Variants in CNTNAP5 observed in about 807,000 individuals in gnomAD.
CNTNAP5 encodes contactin associated protein family member 5, also known as contactin-associated protein-like 5.
In CNTNAP5, 72 loss-of-function variants were observed where a neutral mutation model predicts 150.2. The ratio of observed to expected loss-of-function variants is 0.48; its 90% CI spans 0.40 to 0.58. The LOEUF is 0.58. CNTNAP5 is among the 20% of genes least tolerant of loss of function. CNTNAP5 has a pLI of 0.00. For missense variants in CNTNAP5, 1,636 were observed against 1,626.2 expected (o/e 1.01, Z -0.10); for synonymous variants, 672 against 619.8 (o/e 1.08, Z -1.25).
chr2:124,736,067 C>T (rs748599633), intron 13 of CNTNAP5, among the ~76,000 whole-genome samples: 2 of 151,936 alleles, frequency 1.3e-5, no homozygotes, highest in African/African-American at 4.8e-5. Context: ...TCTGTCTCTA[C>T]AAAAATACAA....
intron 13 of CNTNAP5, among the ~76,000 whole-genome samples, chr2:124,703,757 G>C (rs1679575110): frequency 6.6e-6 from 1 of 152,098 alleles, no homozygotes; most frequent in Admixed American, 6.5e-5. Context: ...TGCAGCTGCT[G>C]AGCCCCAAAG....
intron 6 of CNTNAP5, among the ~76,000 whole-genome samples, chr2:124,449,453 C>G (rs1179964459): frequency 1.3e-5 from 2 of 152,034 alleles, no homozygotes; most frequent in Non-Finnish European, 2.9e-5. Flanking sequence ...CTTTAATGTC[C>G]CAGAAGATGG....
intron 12 of CNTNAP5, among the ~76,000 whole-genome samples, chr2:124,630,300 T>C (rs573301141): frequency 2.0e-5 from 3 of 152,226 alleles, no homozygotes; most frequent in Admixed American, 6.5e-5. Context: ...ATATCCCTGA[T>C]GAACATTGAT....
In CNTNAP5 at chr2:124,259,189, A is replaced by G. The variant is rs141130402; in HGVS notation, c.381+16796A>G. Among the ~76,000 whole-genome samples, 876 of 152,156 alleles carry G rather than the reference A, an allele frequency of 5.8e-3. 6 individuals are homozygous for G. The highest frequency in any genetic ancestry group is 0.02 in the African/African-American group (824 of 41,488). On this transcript the variant is annotated intron_variant, in intron 3 of 23. Transcript: ENST00000682447. ...ATGTCCCTACAAAGGACATGAACTC[A>G]TCCTTTTTTACCGCTGCATAGTATT...
At chr2:124,270,494 T>C (rs1345187646) in intron 3 of CNTNAP5, among the ~76,000 whole-genome samples, 2 of 151,600 alleles carry the variant, frequency 1.3e-5, no homozygotes, top group African/African-American at 2.4e-5. Context: ...TGGCAGGAGG[T>C]GAGTGTGTAG....
chr2:124,711,416 C>G (rs1214010013), intron 13 of CNTNAP5, among the ~76,000 whole-genome samples: 1 of 152,168 alleles, frequency 6.6e-6, no homozygotes, highest in Admixed American at 6.5e-5. Context: ...TATGCTACTT[C>G]CATAATAGAC....
intron 2 of CNTNAP5, among the ~76,000 whole-genome samples, chr2:124,238,776 G>GT (rs1686812464): frequency 1.3e-5 from 2 of 152,278 alleles, no homozygotes; most frequent in South Asian, 4.1e-4. Context: ...CAAGAAGCTA[G>GT]TGTAGGTGCA....
chr2:124,681,064 C>T (rs76064513), intron 13 of CNTNAP5: 21,971 of 151,276 alleles, frequency 0.15, 3,158 homozygotes, highest in East Asian at 0.74. Context: ...GTGTGTGGAT[C>T]ACCTGAGGTC....
intron 7 of CNTNAP5, among the ~76,000 whole-genome samples, chr2:124,484,733 G>A (rs935488892): frequency 2.0e-5 from 3 of 152,162 alleles, no homozygotes; most frequent in Non-Finnish European, 4.4e-5. Context: ...TTATAGATCA[G>A]TGATTATTAG....
intron 14 of CNTNAP5, among the ~76,000 whole-genome samples, chr2:124,756,300 C>T (rs113789156): frequency 1.5e-3 from 236 of 152,276 alleles, no homozygotes; most frequent in African/African-American, 5.2e-3. Context: ...AATAGGAACA[C>T]GTTTACACTG....
chr2:124,388,683 C>CT (rs1376282145), intron 3 of CNTNAP5, among the ~76,000 whole-genome samples: 4 of 151,868 alleles, frequency 2.6e-5, no homozygotes, highest in African/African-American at 4.8e-5. Context: ...AGCACGGGGC[C>CT]TTTTTTTTCT....
At chr2:124,859,605 A>C (rs1221738877) in intron 19 of CNTNAP5, among the ~76,000 whole-genome samples, 3 of 152,158 alleles carry the variant, frequency 2.0e-5, no homozygotes, top group Admixed American at 6.6e-5. Flanking sequence ...AAGACACATG[A>C]ACACGTATGT....
At chr2:124,254,960 T>C (rs1282323037) in intron 3 of CNTNAP5, among the ~76,000 whole-genome samples, 1 of 152,164 alleles carries the variant, frequency 6.6e-6, no homozygotes, top group Non-Finnish European at 1.5e-5. Flanking sequence ...GATTCCCATA[T>C]AAGCGAACAT....
intron 1 of CNTNAP5, among the ~76,000 whole-genome samples, chr2:124,185,936 T>G (rs2104687097): frequency 6.6e-6 from 1 of 152,324 alleles, no homozygotes; most frequent in Middle Eastern, 3.4e-3. Flanking sequence ...ATTCAAATAT[T>G]TGTTTACTTG....
At chr2:124,759,552 C>A (rs931069138) in intron 14 of CNTNAP5, among the ~76,000 whole-genome samples, 1 of 151,174 alleles carries the variant, frequency 6.6e-6, no homozygotes, top group Admixed American at 6.6e-5. Context: ...TCTTGAGGGT[C>A]ATTTTAATTT....
intron 3 of CNTNAP5, among the ~76,000 whole-genome samples, chr2:124,326,836 A>G (rs1390115871): frequency 2.0e-5 from 3 of 152,042 alleles, no homozygotes; most frequent in African/African-American, 7.2e-5. Flanking sequence ...TTGGGGATGG[A>G]TGCACACCCA....
intron 6 of CNTNAP5, 30 bp downstream of exon 6, chr2:124,446,967 C>T (rs367962689): frequency 1.8e-5 from 29 of 1,593,306 alleles, no homozygotes; most frequent in African/African-American, 4.0e-5. Flanking sequence ...TGCACCTCCT[C>T]GGCCCCTTGC....
chr2:124,613,849 T>C (rs1470230797), intron 12 of CNTNAP5, among the ~76,000 whole-genome samples: 1 of 152,180 alleles, frequency 6.6e-6, no homozygotes, highest in Non-Finnish European at 1.5e-5. Flanking sequence ...AGGGAGATGA[T>C]TAAGCTTACT....
intron 3 of CNTNAP5, among the ~76,000 whole-genome samples, chr2:124,269,569 G>A (rs1221234737): frequency 6.6e-6 from 1 of 152,104 alleles, no homozygotes; most frequent in Admixed American, 6.6e-5. Context: ...ACCAGGGAGA[G>A]GGATTTTTTT....
Sources: gnomAD v4.1 joint callset for allele counts (sites outside exome capture counted in the v4.1 genomes callset) on GRCh38, gnomAD v4.1.1 for gene constraint, MANE v1.5 for transcripts, NCBI Gene and HGNC (gene_info 2026-07-23, HGNC 2026-07-21) for gene names.